The following DNAJC8 variants were observed in gnomAD, a reference collection of about 807,000 sequenced individuals.
DNAJC8 encodes DnaJ heat shock protein family (Hsp40) member C8.
A neutral mutation model predicts 43.2 loss-of-function variants in DNAJC8; 24 were observed. The observed-to-expected ratio is 0.56, with a 90% CI of 0.40 to 0.78. DNAJC8 has a LOEUF of 0.78. DNAJC8 is among the 30% of genes least tolerant of loss of function. The pLI is 0.00. For synonymous variants in DNAJC8, 83 were observed against 98.0 expected (o/e 0.85, Z 0.90); for missense variants, 207 against 299.4 (o/e 0.69, Z 2.28).
chr1:28,203,447 C>T (rs1467560222), intron 8 of DNAJC8, among the ~76,000 whole-genome samples: 7 of 152,348 alleles, frequency 4.6e-5, no homozygotes, highest in African/African-American at 1.7e-4. Context: ...CACTGGGCAG[C>T]TGTGCCTACT....
At chr1:28,220,141 A>G (rs1464551664) in intron 2 of DNAJC8, among the ~76,000 whole-genome samples, 1 of 152,258 alleles carries the variant, frequency 6.6e-6, no homozygotes, top group African/African-American at 2.4e-5. Flanking sequence ...AGGAGAGTAT[A>G]TATACCTACA....
intron 2 of DNAJC8, among the ~76,000 whole-genome samples, chr1:28,228,470 AC>A (rs1646953155): frequency 6.6e-6 from 1 of 151,938 alleles, no homozygotes; most frequent in Non-Finnish European, 1.5e-5. Flanking sequence ...TGACCATCTC[AC>A]TTTCCTTAAC....
chr1:28,203,629 C>A, intron 8 of DNAJC8, 118 bp downstream of exon 8: 1 of 983,998 alleles, frequency 1.0e-6, no homozygotes, highest in South Asian at 1.3e-5. Flanking sequence ...CTTCACCTCT[C>A]CCACTCTTCC....
Position 28,200,965 on chromosome 1 carries a change from C to CT in DNAJC8, c.*282dup. 1 of 444,224 alleles carries CT rather than the reference C, an allele frequency of 2.3e-6. No individual in the cohort carries two copies. The highest frequency in any genetic ancestry group is 4.2e-6 in the Non-Finnish European group (1 of 240,634). The allele number at this position is 444,224 out of a possible 1,614,324, so 27.5% of individuals were successfully genotyped here. On this transcript the variant is annotated 3_prime_UTR_variant, in exon 9 of 9. Coordinates refer to ENST00000263697, the MANE Select transcript of DNAJC8 (RefSeq NM_014280.3). ...TCACAATTCAGTGAAGTACAAAACACTGAGTTACAGGCTGTGGGAAGAGAA... is the reference window on the plus strand; with the variant it reads ...TCACAATTCAGTGAAGTACAAAACACTTGAGTTACAGGCTGTGGGAAGAGAA...
At chr1:28,201,753 C>A (rs1646734886) in intron 8 of DNAJC8, among the ~76,000 whole-genome samples, 1 of 145,700 alleles carries the variant, frequency 6.9e-6, no homozygotes, top group Admixed American at 6.9e-5. Context: ...CATGCCACTG[C>A]ACTCCAGCCT....
At chr1:28,205,212 A>C in intron 7 of DNAJC8, 46 bp downstream of exon 7, 2 of 1,403,782 alleles carry the variant, frequency 1.4e-6, no homozygotes, top group Non-Finnish European at 2.0e-6. Context: ...AATGTTAGTT[A>C]ATCTAGGTAT....
Position 28,201,288 on chromosome 1 carries a change from A to T in DNAJC8, c.722T>A (p.Phe241Tyr). The T allele has an allele frequency of 6.2e-7, 1 of 1,612,550 alleles. No homozygotes were observed. Among genetic ancestry groups the T allele is most frequent in the East Asian group, 2.2e-5 (1 of 44,884 alleles). Residue 241 changes from phenylalanine to tyrosine, a missense_variant, in exon 9 of 9, where the codon TTC (phenylalanine) becomes TAC (tyrosine). By Grantham distance (22) the Phe-to-Tyr change is conservative. Transcript: ENST00000263697. ...KGKKEKKNRT[F>Y]LRPPKVKMEQ... ...CATTTTTACTTTCGGTGGTCTCAGG[A>T]AGGTCCGATTTTTCTTCTCTTTCTT...
intron 5 of DNAJC8, among the ~76,000 whole-genome samples, chr1:28,209,281 C>T (rs941724106): frequency 5.0e-4 from 76 of 152,124 alleles, no homozygotes; most frequent in African/African-American, 1.7e-3. Context: ...ATAAAGTTGT[C>T]TCAGATTTCA....
intron 3 of DNAJC8, among the ~76,000 whole-genome samples, chr1:28,214,251 C>T (rs1646835635): frequency 6.6e-6 from 1 of 151,918 alleles, no homozygotes; most frequent in African/African-American, 2.4e-5. Flanking sequence ...GATAAAATTA[C>T]GGCCGGGTGC....
At chr1:28,211,311 C>G (rs914894287) in intron 3 of DNAJC8, among the ~76,000 whole-genome samples, 1 of 152,198 alleles carries the variant, frequency 6.6e-6, no homozygotes, top group Non-Finnish European at 1.5e-5. Flanking sequence ...CCAAAAGGCT[C>G]CAAAATCTGA....
chr1:28,201,492 G>C, intron 8 of DNAJC8, 122 bp from the exon 9 acceptor site: 2 of 1,444,188 alleles, frequency 1.4e-6, no homozygotes, highest in Non-Finnish European at 1.9e-6. Flanking sequence ...AATAACCCAA[G>C]AGTAGAATAG....
At chr1:28,224,028 G>T (rs78730774) in intron 2 of DNAJC8, among the ~76,000 whole-genome samples, 4,527 of 152,248 alleles carry the variant, frequency 0.03, 97 homozygotes, top group Non-Finnish European at 0.044. Flanking sequence ...AAAGAATGAT[G>T]AAGACATATG....
intron 2 of DNAJC8, among the ~76,000 whole-genome samples, chr1:28,220,864 A>T (rs1016703111): frequency 6.6e-6 from 1 of 152,148 alleles, no homozygotes; most frequent in Non-Finnish European, 1.5e-5. Flanking sequence ...AGATTCTTGG[A>T]AGGTTTTTCT....
chr1:28,228,616 T>C (rs1002315082), intron 2 of DNAJC8, among the ~76,000 whole-genome samples: 1 of 152,146 alleles, frequency 6.6e-6, no homozygotes, highest in Non-Finnish European at 1.5e-5. Context: ...AGTCAACTGA[T>C]GCTCAAAGAA....
intron 3 of DNAJC8, among the ~76,000 whole-genome samples, chr1:28,212,174 T>TAA (rs1557707923): frequency 2.5e-4 from 7 of 27,478 alleles, no homozygotes; most frequent in African/African-American, 9.6e-4. Context: ...AATAAATATA[T>TAA]ATATATATAT....
intron 2 of DNAJC8, among the ~76,000 whole-genome samples, chr1:28,224,266 T>C (rs1039507162): frequency 6.6e-6 from 1 of 152,130 alleles, no homozygotes; most frequent in Admixed American, 6.5e-5. Flanking sequence ...AGTAACCTCA[T>C]GACACTTCTT....
intron 2 of DNAJC8, among the ~76,000 whole-genome samples, chr1:28,225,905 T>C (rs1646931058): frequency 6.6e-6 from 1 of 150,594 alleles, no homozygotes; most frequent in Admixed American, 6.6e-5. Flanking sequence ...GGTTTCGCCA[T>C]GTTGGCCAGG....
intron 2 of DNAJC8, among the ~76,000 whole-genome samples, chr1:28,227,757 A>AAAG (rs971197662): frequency 2.1e-4 from 32 of 152,100 alleles, no homozygotes; most frequent in East Asian, 9.7e-4. Context: ...TAAAAAAGAA[A>AAAG]AAGAAGAAGA....
chr1:28,207,588 C>G (rs1646778388), intron 6 of DNAJC8, among the ~76,000 whole-genome samples: 1 of 150,464 alleles, frequency 6.6e-6, no homozygotes, highest in Non-Finnish European at 1.5e-5. Context: ...GGATTACAGG[C>G]ACGTGCCACC....
Sources: gnomAD v4.1 joint callset for allele counts (sites outside exome capture counted in the v4.1 genomes callset) on GRCh38, gnomAD v4.1.1 for gene constraint, MANE v1.5 for transcripts, NCBI Gene and HGNC (gene_info 2026-07-23, HGNC 2026-07-21) for gene names.